Variants in NRXN1 observed in about 807,000 individuals in gnomAD.
NRXN1 encodes neurexin-1.
In NRXN1, 39 loss-of-function variants were observed where a neutral mutation model predicts 150.9. That is an observed-to-expected ratio of 0.26 (90% CI 0.20 to 0.34). The LOEUF (loss-of-function observed/expected upper bound fraction) is 0.34, where lower values mean the gene tolerates loss of function less well. Among genes scored for constraint, NRXN1 ranks in the 10% least tolerant of loss-of-function variants. NRXN1 has a pLI of 1.00. For missense variants in NRXN1, 1,815 were observed against 1,949.9 expected (o/e 0.93, Z 1.30); for synonymous variants, 924 against 757.0 (o/e 1.22, Z -3.62).
intron 2 of NRXN1, among the ~76,000 whole-genome samples, chr2:51,012,773 A>G (rs1200826229): frequency 6.6e-6 from 1 of 152,074 alleles, no homozygotes; most frequent in Admixed American, 6.6e-5. Flanking sequence ...TGGTTTGTGT[A>G]ACTGGCTTTC....
intron 2 of NRXN1, among the ~76,000 whole-genome samples, chr2:50,929,219 T>C (rs950292643): frequency 6.6e-6 from 1 of 152,118 alleles, no homozygotes; most frequent in African/African-American, 2.4e-5. Context: ...CTCTTAAGTA[T>C]ACGGTTCTAG....
intron 19 of NRXN1, among the ~76,000 whole-genome samples, chr2:50,083,803 C>A (rs1698338365): frequency 6.6e-6 from 1 of 152,012 alleles, no homozygotes. Context: ...ACTAGATAAG[C>A]TAGATACAGA....
intron 5 of NRXN1, among the ~76,000 whole-genome samples, chr2:50,747,474 T>C (rs556157719): frequency 2.6e-5 from 4 of 152,254 alleles, no homozygotes; most frequent in Non-Finnish European, 4.4e-5. Context: ...GTCAACCATA[T>C]GTTAGACTCT....
At chr2:50,937,077 T>G (rs1688667988) in intron 2 of NRXN1, among the ~76,000 whole-genome samples, 1 of 152,154 alleles carries the variant, frequency 6.6e-6, no homozygotes, top group East Asian at 1.9e-4. Context: ...TTTCTAATAT[T>G]TAAAAATGTT....
At chr2:50,187,258 T>A (rs555413377) in intron 18 of NRXN1, among the ~76,000 whole-genome samples, 1 of 152,144 alleles carries the variant, frequency 6.6e-6, no homozygotes, top group East Asian at 1.9e-4. Context: ...GACCACATGT[T>A]CACATACTCA....
At chr2:50,256,026 C>T (rs901998237) in intron 17 of NRXN1, among the ~76,000 whole-genome samples, 2 of 152,124 alleles carry the variant, frequency 1.3e-5, no homozygotes, top group East Asian at 1.9e-4. Flanking sequence ...AACAGTAACG[C>T]TGTCTAAAAG....
chr2:50,928,721 A>G (rs1574957586), intron 2 of NRXN1, among the ~76,000 whole-genome samples: 1 of 152,160 alleles, frequency 6.6e-6, no homozygotes, highest in South Asian at 2.1e-4. Flanking sequence ...GTAAAGCAGC[A>G]TATTTTGGTT....
intron 2 of NRXN1, among the ~76,000 whole-genome samples, chr2:50,945,167 A>G (rs1256580858): frequency 2.6e-5 from 4 of 152,218 alleles, no homozygotes; most frequent in Non-Finnish European, 5.9e-5. Context: ...GAAAGCAGTT[A>G]CAAATAATAC....
intron 17 of NRXN1, among the ~76,000 whole-genome samples, chr2:50,360,870 A>G (rs543026180): frequency 6.6e-6 from 1 of 152,076 alleles, no homozygotes; most frequent in Admixed American, 6.6e-5. Flanking sequence ...GAAGTAAAAC[A>G]CTCCTCGGCA....
intron 18 of NRXN1, among the ~76,000 whole-genome samples, chr2:50,152,450 T>A (rs999878398): frequency 6.6e-6 from 1 of 151,736 alleles, no homozygotes; most frequent in Non-Finnish European, 1.5e-5. Flanking sequence ...AGGGAATATG[T>A]TCCAAGGCCC....
chr2:50,116,871 C>T (rs1237291558), intron 18 of NRXN1, among the ~76,000 whole-genome samples: 1 of 152,076 alleles, frequency 6.6e-6, no homozygotes, highest in East Asian at 1.9e-4. Flanking sequence ...GCATTTCTGA[C>T]TTGATGCTGC....
intron 5 of NRXN1, among the ~76,000 whole-genome samples, chr2:50,652,286 T>G (rs945919286): frequency 2.6e-5 from 4 of 152,086 alleles, no homozygotes; most frequent in Non-Finnish European, 5.9e-5. Context: ...TACAATTCAA[T>G]GAGTTTTGGT....
intron 19 of NRXN1, among the ~76,000 whole-genome samples, chr2:50,078,158 A>G (rs1007426948): frequency 1.9e-4 from 29 of 152,096 alleles, no homozygotes; most frequent in African/African-American, 6.5e-4. Context: ...AGATTAAGTT[A>G]CACCTTTGGA....
At chr2:50,436,561 A>G (rs1443863205) in intron 17 of NRXN1, among the ~76,000 whole-genome samples, 8 of 152,220 alleles carry the variant, frequency 5.3e-5, no homozygotes, top group Non-Finnish European at 1.0e-4. Context: ...TTTTCTAACT[A>G]AAATCCCATT....
At chr2:51,001,813 G>T (rs976769172) in intron 2 of NRXN1, among the ~76,000 whole-genome samples, 1 of 151,852 alleles carries the variant, frequency 6.6e-6, no homozygotes, top group Non-Finnish European at 1.5e-5. Flanking sequence ...AAGCAGGAAG[G>T]TCACTCTCAT....
At chr2:49,923,821 G>C (rs1433475311) in intron 22 of NRXN1, among the ~76,000 whole-genome samples, 1 of 152,146 alleles carries the variant, frequency 6.6e-6, no homozygotes, top group African/African-American at 2.4e-5. Context: ...TCTCAAAGTA[G>C]CAATAAGCTA....
In NRXN1 at chr2:50,346,710, T is replaced by C. The variant is rs772728427; in HGVS notation, c.3365-109740A>G. ...ACCCACCGTGTCCGCCTCGCAAGGATGCCGGTGACCTGTAGATTGCAATAG... is the reference window on the plus strand; with the variant it reads ...ACCCACCGTGTCCGCCTCGCAAGGACGCCGGTGACCTGTAGATTGCAATAG... On this transcript the variant is annotated intron_variant, in intron 17 of 22. Coordinates refer to ENST00000401669, the MANE Select transcript of NRXN1 (RefSeq NM_001330078.2). This position sits in a 1 kb window ranked among gnomAD's most constrained non-coding sequence, Gnocchi z 5.0. 6.2e-7 allele frequency: 1 copy of C among 1,613,634 alleles called. No homozygotes were observed. Among genetic ancestry groups the C allele is most frequent in the Non-Finnish European group, 8.5e-7 (1 of 1,179,758 alleles).
intron 17 of NRXN1, among the ~76,000 whole-genome samples, chr2:50,281,266 G>C (rs914178191): frequency 6.6e-6 from 1 of 151,724 alleles, no homozygotes; most frequent in Non-Finnish European, 1.5e-5. Context: ...GCAGTGAGCC[G>C]AGATCGCGCC....
chr2:50,230,607 C>G (rs1257851888), intron 18 of NRXN1, among the ~76,000 whole-genome samples: 3 of 151,768 alleles, frequency 2.0e-5, no homozygotes, highest in African/African-American at 7.3e-5. Context: ...GTATGTGAAC[C>G]GAGAAGAAGC....
Sources: allele counts gnomAD v4.1 joint callset (sites outside exome capture counted in the v4.1 genomes callset), GRCh38; gene constraint gnomAD v4.1.1; non-coding constraint Gnocchi (gnomAD v3.1); transcripts MANE v1.5; gene names NCBI Gene and HGNC (gene_info 2026-07-23, HGNC 2026-07-21).